Variants in FRAS1 observed in about 807,000 individuals in gnomAD.
FRAS1 encodes the protein extracellular matrix organizing protein FRAS1.
FRAS1 carries 290 observed loss-of-function variants against 435.2 expected under a neutral mutation model. The ratio of observed to expected loss-of-function variants is 0.67; its 90% CI spans 0.61 to 0.73. The LOEUF (loss-of-function observed/expected upper bound fraction) is 0.73. FRAS1 is among the 30% of genes least tolerant of loss of function. FRAS1 has a pLI of 0.00. For missense variants in FRAS1, 4,860 were observed against 5,001.5 expected, an observed-to-expected ratio of 0.97 and a Z score of 0.85; for synonymous variants, 1,800 against 1,851.0, an observed-to-expected ratio of 0.97 and a Z score of 0.71.
intron 1 of FRAS1, among the ~76,000 whole-genome samples, chr4:78,062,277 C>T (rs1281816509): frequency 1.2e-4 from 19 of 152,218 alleles, no homozygotes; most frequent in Admixed American, 1.2e-3. Flanking sequence ...TTCATTTTAA[C>T]TACTCTATTA....
At chr4:78,493,389 G>C (rs1720421757) in intron 59 of FRAS1, among the ~76,000 whole-genome samples, 1 of 152,090 alleles carries the variant, frequency 6.6e-6, no homozygotes, top group Admixed American at 6.5e-5. Flanking sequence ...CAATAGCAAA[G>C]ACTTGGAACC....
chr4:78,440,691 A>G (rs1734625256), intron 40 of FRAS1, among the ~76,000 whole-genome samples: 1 of 152,236 alleles, frequency 6.6e-6, no homozygotes, highest in African/African-American at 2.4e-5. Context: ...CTACACACCT[A>G]TAAATATATA....
At chr4:78,287,067 G>A (rs1294397721) in intron 14 of FRAS1, among the ~76,000 whole-genome samples, 15 of 152,246 alleles carry the variant, frequency 9.9e-5, no homozygotes, top group South Asian at 2.1e-4. Context: ...ACAGTTCTGC[G>A]TGGCTGGAGA....
chr4:78,532,277 T>C (rs953200091), intron 70 of FRAS1, among the ~76,000 whole-genome samples: 26 of 152,210 alleles, frequency 1.7e-4, no homozygotes, highest in African/African-American at 6.0e-4. Flanking sequence ...CCATTTCCTC[T>C]TCCTGGAGGG....
chr4:78,175,460 C>T (rs1388658747), intron 2 of FRAS1, among the ~76,000 whole-genome samples: 2 of 152,162 alleles, frequency 1.3e-5, no homozygotes, highest in African/African-American at 2.4e-5. Flanking sequence ...GCTGTGTCAG[C>T]TAATGCTCCA....
chr4:78,384,660 G>A (rs1382794408), intron 28 of FRAS1, among the ~76,000 whole-genome samples: 1 of 152,002 alleles, frequency 6.6e-6, no homozygotes, highest in African/African-American at 2.4e-5. Flanking sequence ...TTGGGAGGCT[G>A]AGGCAGGTGG....
At chr4:78,096,260 G>A (rs1252674546) in intron 2 of FRAS1, among the ~76,000 whole-genome samples, 1 of 152,196 alleles carries the variant, frequency 6.6e-6, no homozygotes, top group Non-Finnish European at 1.5e-5. Context: ...ATGGTCTTGG[G>A]AAGCTCCATC....
chr4:78,153,253 T>C (rs547471983), intron 2 of FRAS1, among the ~76,000 whole-genome samples: 17 of 152,172 alleles, frequency 1.1e-4, no homozygotes, highest in African/African-American at 4.1e-4. Flanking sequence ...CCAGCATCAA[T>C]ATCTACCAGA....
intron 6 of FRAS1, among the ~76,000 whole-genome samples, chr4:78,263,194 T>G (rs925278543): frequency 3.9e-5 from 6 of 152,198 alleles, no homozygotes; most frequent in African/African-American, 1.4e-4. Flanking sequence ...TCTTCTTACT[T>G]CCTCTCCAGT....
At chr4:78,536,572 A>T (rs1332498990) in intron 71 of FRAS1, among the ~76,000 whole-genome samples, 1 of 152,144 alleles carries the variant, frequency 6.6e-6, no homozygotes, top group African/African-American at 2.4e-5. Flanking sequence ...TGAGCACTCC[A>T]TGAGTTATTA....
In FRAS1 at chr4:78,286,269, T is replaced by A. The variant is rs180971051; in HGVS notation, c.1400-136T>A. 1.4e-3 allele frequency: 1,386 copies of A among 959,902 alleles called. 14 individuals are homozygous for A. The African/African-American group carries it at 0.02, about 14-fold the overall frequency. The allele number at this position is 959,902 out of a possible 1,614,324, so 59.5% of individuals were successfully genotyped here. The stretch of plus-strand genomic sequence containing the variant: ...CTGTGTGCTATACAGATGATGGCTG[T>A]TAAAATTATTTTTCTGCATTTTCTG... On this transcript the variant is annotated intron_variant, in intron 13 of 73. Transcript: ENST00000512123.
intron 71 of FRAS1, among the ~76,000 whole-genome samples, chr4:78,535,019 C>T (rs1257831234): frequency 6.6e-6 from 1 of 152,200 alleles, no homozygotes; most frequent in Non-Finnish European, 1.5e-5. Flanking sequence ...GCTCACTTCA[C>T]GGTCACTTCT....
chr4:78,091,501 A>T (rs1741518306), intron 2 of FRAS1, among the ~76,000 whole-genome samples: 1 of 152,082 alleles, frequency 6.6e-6, no homozygotes, highest in African/African-American at 2.4e-5. Context: ...GGGTGGAATG[A>T]ATGGGCCAAA....
chr4:78,267,865 G>A lies in FRAS1; in HGVS notation c.981+433G>A, dbSNP rs549833958. ...ATTTAGCAGAACGAGAGCCAGCACA[G>A]AGGGGCCGCTTCCGTGGATCAGGAA... is the stretch of plus-strand genomic sequence containing the variant. On this transcript the variant is annotated intron_variant, in intron 9 of 73. Transcript: ENST00000512123. 1.7e-4 allele frequency among the ~76,000 whole-genome samples: 26 copies of A among 152,356 alleles called. No homozygotes were observed. In the South Asian group the frequency reaches 5.4e-3, roughly 32 times the overall value.
At chr4:78,145,896 A>G (rs1720400317) in intron 2 of FRAS1, among the ~76,000 whole-genome samples, 1 of 152,150 alleles carries the variant, frequency 6.6e-6, no homozygotes, top group African/African-American at 2.4e-5. Flanking sequence ...TTTTATAAAC[A>G]TCTGGCTTTT....
intron 37 of FRAS1, among the ~76,000 whole-genome samples, chr4:78,430,996 A>G (rs1180255582): frequency 6.6e-6 from 1 of 152,264 alleles, no homozygotes; most frequent in Non-Finnish European, 1.5e-5. Context: ...AACACAAAGA[A>G]CACAAGTGAA....
chr4:78,519,545 AGAG>A, intron 67 of FRAS1, 64 bp downstream of exon 67: 1 of 1,543,302 alleles, frequency 6.5e-7, no homozygotes, highest in Non-Finnish European at 8.8e-7. Flanking sequence ...GATTAAAAGA[AGAG>A]TAGTGACTTT....
rs1318093520 is a variant in FRAS1, at chr4:78,310,823, CT to C, written c.1678+2615del. On this transcript the variant is annotated intron_variant, in intron 15 of 73. Transcript: ENST00000512123. ...GACTTATTTCCATTTCAGATTAATA[CT>C]ATTCAAGATAAAGACCGGCTGGTGT... 1.1e-4 allele frequency among the ~76,000 whole-genome samples: 17 copies of C among 152,206 alleles called. 1 individual carries two copies.
chr4:78,195,347 T>C (rs2110069027), intron 2 of FRAS1, among the ~76,000 whole-genome samples: 1 of 152,370 alleles, frequency 6.6e-6, no homozygotes, highest in South Asian at 2.1e-4. Context: ...TGCCTTTTGT[T>C]TGGCATTGCC....
Sources: gnomAD v4.1 joint callset for allele counts (sites outside exome capture counted in the v4.1 genomes callset) on GRCh38, gnomAD v4.1.1 for gene constraint, MANE v1.5 for transcripts, NCBI Gene and HGNC (gene_info 2026-07-23, HGNC 2026-07-21) for gene names.